The following DST variants were observed in gnomAD, a reference collection of about 807,000 sequenced individuals.
DST encodes dystonin.
Under a neutral mutation model 875.2 loss-of-function variants are expected in DST, and 253 were observed. That is an observed-to-expected ratio of 0.29 (90% confidence interval 0.26 to 0.32). DST has a LOEUF of 0.32. Ranked by LOEUF, DST falls within the 10% of genes least tolerant of loss-of-function variation. DST has a pLI of 1.00. For synonymous variants in DST, 3,124 were observed against 3,197.1 expected (o/e 0.98, Z 0.77); for missense variants, 8,287 against 9,111.6 (o/e 0.91, Z 3.68).
intron 4 of DST, among the ~76,000 whole-genome samples, chr6:56,763,572 T>C (rs981043111): frequency 6.6e-6 from 1 of 151,838 alleles, no homozygotes; most frequent in African/African-American, 2.4e-5. Flanking sequence ...CTCAGGAGGC[T>C]GAGGAACAAG....
At chr6:56,820,548 A>G (rs540921780) in intron 4 of DST, among the ~76,000 whole-genome samples, 28 of 152,310 alleles carry the variant, frequency 1.8e-4, no homozygotes, top group African/African-American at 6.7e-4. Flanking sequence ...GTCCATCTGT[A>G]TAGTGGAAAT....
At chr6:56,486,544 T>C (rs1328283377) in intron 87 of DST, among the ~76,000 whole-genome samples, 1 of 152,142 alleles carries the variant, frequency 6.6e-6, no homozygotes, top group Non-Finnish European at 1.5e-5. Context: ...ACTACTATTG[T>C]ACTCAATTAA....
intron 93 of DST, 61 bp from the exon 94 acceptor site, chr6:56,472,283 T>G: frequency 6.7e-7 from 1 of 1,495,984 alleles, no homozygotes. Context: ...GTGTTAAGGC[T>G]TGACCTTTTT....
At chr6:56,781,209 CT>C (rs1425990008) in intron 4 of DST, among the ~76,000 whole-genome samples, 2 of 151,030 alleles carry the variant, frequency 1.3e-5, no homozygotes, top group Non-Finnish European at 3.0e-5. Flanking sequence ...GTGATGCGGG[CT>C]TTTTGATTCC....
chr6:56,753,156 G>A (rs183842365), intron 4 of DST, among the ~76,000 whole-genome samples: 2 of 152,266 alleles, frequency 1.3e-5, no homozygotes, highest in Admixed American at 1.3e-4. Context: ...GCAGTGATAT[G>A]GCGAGTATAA....
At chr6:56,896,924 C>T (rs1163021890) in intron 3 of DST, among the ~76,000 whole-genome samples, 5 of 152,364 alleles carry the variant, frequency 3.3e-5, no homozygotes, top group Non-Finnish European at 4.4e-5. Context: ...TGTCTCTTTA[C>T]TCTGATGACT....
intron 2 of DST, among the ~76,000 whole-genome samples, chr6:56,922,562 G>A (rs932307688): frequency 7.9e-5 from 12 of 152,052 alleles, no homozygotes; most frequent in Admixed American, 6.6e-4. Context: ...TGCATCTCTA[G>A]CCTCAGTGAC....
chr6:56,777,214 G>A (rs1287561343), intron 4 of DST, among the ~76,000 whole-genome samples: 1 of 151,956 alleles, frequency 6.6e-6, no homozygotes, highest in Non-Finnish European at 1.5e-5. Context: ...CCAACAAATA[G>A]GAAACCCTGT....
chr6:56,916,987 TAAAAAAA>T (rs1161421788), intron 2 of DST, among the ~76,000 whole-genome samples: 708 of 35,482 alleles, frequency 0.02, 13 homozygotes, highest in African/African-American at 0.075. Flanking sequence ...CCAGGCATGC[TAAAAAAA>T]AAAAAAAAAA....
intron 4 of DST, among the ~76,000 whole-genome samples, chr6:56,837,999 T>C (rs574351369): frequency 1.3e-5 from 2 of 151,988 alleles, no homozygotes; most frequent in East Asian, 3.9e-4. Context: ...AATAATTACC[T>C]GAAATTCCTC....
rs116078799 is a variant in DST at position 56,660,289 on chromosome 6, A to G, written c.1215-9045T>C. ...TCAGCCTTTGCTGGCAAAATAGTAC[A>G]TACTCAGCAGTTTGCAAGGAATTGA... On this transcript the variant is annotated intron_variant, in intron 10 of 103. Coordinates refer to ENST00000680361, the MANE Select transcript of DST (RefSeq NM_001374736.1). Among the ~76,000 whole-genome samples, 1,335 of 152,312 alleles carry G rather than the reference A, an allele frequency of 8.8e-3. 16 individuals are homozygous for G. Among genetic ancestry groups the G allele is most frequent in the African/African-American group, 0.029 (1,215 of 41,560 alleles).
intron 37 of DST, among the ~76,000 whole-genome samples, chr6:56,614,011 T>C (rs746435624): frequency 5.9e-5 from 9 of 152,208 alleles, no homozygotes; most frequent in Non-Finnish European, 1.0e-4. Flanking sequence ...ATGGAGTGCA[T>C]GGATCTACTC....
At chr6:56,849,354 C>T (rs1219041179) in intron 4 of DST, among the ~76,000 whole-genome samples, 2 of 152,062 alleles carry the variant, frequency 1.3e-5, no homozygotes, top group Non-Finnish European at 2.9e-5. Flanking sequence ...CCAGGATGGT[C>T]TCGATCTCTT....
intron 49 of DST, among the ~76,000 whole-genome samples, chr6:56,591,598 G>A (rs1315716452): frequency 1.3e-5 from 2 of 152,122 alleles, no homozygotes; most frequent in African/African-American, 4.8e-5. Context: ...AGATAAATAA[G>A]TGGCCAGGAA....
At chr6:56,486,149 G>C (rs1292073727) in intron 87 of DST, among the ~76,000 whole-genome samples, 1 of 151,938 alleles carries the variant, frequency 6.6e-6, no homozygotes, top group African/African-American at 2.4e-5. Context: ...GGATCACGAG[G>C]TCAGGAGATC....
chr6:56,546,707 T>C (rs1443464546), intron 61 of DST, among the ~76,000 whole-genome samples: 1 of 152,018 alleles, frequency 6.6e-6, no homozygotes, highest in East Asian at 1.9e-4. Context: ...TAGATAAACA[T>C]TTACCACTCA....
intron 4 of DST, among the ~76,000 whole-genome samples, chr6:56,784,032 T>G (rs945595207): frequency 2.0e-5 from 3 of 152,188 alleles, no homozygotes; most frequent in African/African-American, 7.2e-5. Context: ...TTCTTTTCTT[T>G]AAGAATGTTG....
chr6:56,521,013 G>A (rs1328437860), intron 69 of DST, among the ~76,000 whole-genome samples: 1 of 151,946 alleles, frequency 6.6e-6, no homozygotes, highest in African/African-American at 2.4e-5. Flanking sequence ...ATCTTAAGCT[G>A]GTTCAATAAT....
chr6:56,716,997 C>T (rs935739365), intron 5 of DST, among the ~76,000 whole-genome samples: 36 of 152,058 alleles, frequency 2.4e-4, no homozygotes, highest in Non-Finnish European at 4.3e-4. Flanking sequence ...CTGGCTAACA[C>T]GGTGAAACCC....
Sources: allele counts gnomAD v4.1 joint callset (sites outside exome capture counted in the v4.1 genomes callset), GRCh38; gene constraint gnomAD v4.1.1; transcripts MANE v1.5; gene names NCBI Gene and HGNC (gene_info 2026-07-23, HGNC 2026-07-21).